Variants in CHD5 observed in about 807,000 individuals in gnomAD.
CHD5 encodes ATP-dependent chromatin remodeler CHD5.
In CHD5, 69 loss-of-function variants were observed where a neutral mutation model predicts 230.3. The observed-to-expected ratio is 0.30, with a 90% CI of 0.25 to 0.37. The LOEUF (loss-of-function observed/expected upper bound fraction) is 0.37. Among genes scored for constraint, CHD5 ranks in the 10% least tolerant of loss-of-function variants. The pLI, the probability that CHD5 is intolerant of heterozygous loss-of-function variation, is 1.00. For synonymous variants in CHD5, 1,064 were observed against 1,065.9 expected (o/e 1.00, Z 0.03); for missense variants, 1,827 against 2,622.8 (o/e 0.70, Z 6.63).
At chr1:6,150,534 T>TAGCTGACGGATGGATGGAC (rs1666989016) in intron 7 of CHD5, among the ~76,000 whole-genome samples, 4 of 150,750 alleles carry the variant, frequency 2.7e-5, no homozygotes, top group Non-Finnish European at 4.4e-5. Flanking sequence ...GGTGGATGGA[T>TAGCTGACGGATGGATGGAC]AGCTGACGGA....
chr1:6,165,876 G>A (rs1400887517), intron 2 of CHD5, among the ~76,000 whole-genome samples: 1 of 152,048 alleles, frequency 6.6e-6, no homozygotes, highest in Non-Finnish European at 1.5e-5. Context: ...TCAAATAACA[G>A]GGACAGGGAG....
chr1:6,112,397 G>C, intron 34 of CHD5, 120 bp from the exon 35 acceptor site: 1 of 1,258,516 alleles, frequency 7.9e-7, no homozygotes, highest in South Asian at 1.4e-5. Flanking sequence ...TGTCCTCAGG[G>C]GACTCGCTGC....
rs1399498229 is a variant in CHD5 at position 6,106,626 on chromosome 1, G to A, written c.5732C>T (p.Thr1911Ile). Residue 1911 changes from threonine to isoleucine, a missense_variant, in exon 39 of 42, where the codon ACC (threonine) becomes ATC (isoleucine). Thr to Ile is a moderately conservative substitution (Grantham distance 89). Transcript: ENST00000262450. ...SRLTNRAGDP[T>I]IQQGAFGSSQ... ...CAGGCCGAGCCTGACCTGCTGGATG[G>A]TGGGGTCCCCGGCGCGGTTGGTCAG... 3 of 1,577,308 alleles carry A rather than the reference G, an allele frequency of 1.9e-6. No individual in the cohort carries two copies. The African/African-American group carries it at 4.0e-5, about 21-fold the overall frequency.
In CHD5 at chr1:6,136,878, G is replaced by A. The variant is rs1666754174; in HGVS notation, c.2437-13C>T. On this transcript the variant is annotated splice_polypyrimidine_tract_variant and intron_variant, in intron 15 of 41. Transcript: ENST00000262450. ...TCTGCACTTCTTTCTGGAGAAAAGA[G>A]GGGCATTGGGGATGAGACGGCTGGG... 1 of 1,599,244 alleles carries A rather than the reference G, an allele frequency of 6.3e-7. No homozygotes were observed. The highest frequency in any genetic ancestry group is 8.5e-7 in the Non-Finnish European group (1 of 1,171,830).
intron 15 of CHD5, among the ~76,000 whole-genome samples, chr1:6,139,921 T>C (rs1368241422): frequency 6.6e-6 from 1 of 152,168 alleles, no homozygotes; most frequent in Non-Finnish European, 1.5e-5. Context: ...CATCGATTCA[T>C]TCACTCATTC....
At chr1:6,177,697 A>C (rs958401007) in intron 1 of CHD5, among the ~76,000 whole-genome samples, 1 of 152,194 alleles carries the variant, frequency 6.6e-6, no homozygotes, top group Non-Finnish European at 1.5e-5. Flanking sequence ...GTCCCTCCCC[A>C]TCATAACATT....
chr1:6,135,493 A>C, intron 17 of CHD5, 90 bp from the exon 18 acceptor site: 6 of 1,197,764 alleles, frequency 5.0e-6, no homozygotes, highest in Non-Finnish European at 7.0e-6. Context: ...TAGGCCGGCT[A>C]GCTGGTGAAC....
chr1:6,123,629 T>C (rs1378453137), intron 31 of CHD5, among the ~76,000 whole-genome samples: 1 of 152,276 alleles, frequency 6.6e-6, no homozygotes, highest in Non-Finnish European at 1.5e-5. Context: ...GGTTTCACCA[T>C]GTTGGCCAGG....
At chr1:6,176,460 A>C (rs1667428046) in intron 1 of CHD5, among the ~76,000 whole-genome samples, 1 of 152,202 alleles carries the variant, frequency 6.6e-6, no homozygotes, top group Non-Finnish European at 1.5e-5. Context: ...AGTGGCCCTA[A>C]GAGGGCTGAG....
At chr1:6,133,817 C>T (rs1487800835) in intron 20 of CHD5, among the ~76,000 whole-genome samples, 2 of 152,194 alleles carry the variant, frequency 1.3e-5, no homozygotes, top group African/African-American at 4.8e-5. Context: ...CAGGGCCCTA[C>T]CTTAATGAGA....
chr1:6,128,668 G>A lies in CHD5; in HGVS notation c.3620-59C>T. 6.9e-7 allele frequency: 1 copy of A among 1,456,674 alleles called. No individual in the cohort carries two copies. Among genetic ancestry groups the A allele is most frequent in the Non-Finnish European group, 9.6e-7 (1 of 1,043,432 alleles). The allele number at this position is 1,456,674 out of a possible 1,614,324, so 90.2% of individuals were successfully genotyped here. A position where few individuals can be genotyped will look rare whatever the true frequency, so the allele number is the denominator to read the frequency against. ...ACCACAGAGGGCTGCAGGGTTGGCG[G>A]GCAGTGCCCAGAGACACCACCCTGG... On this transcript the variant is annotated intron_variant, in intron 23 of 41. Coordinates refer to ENST00000262450, the MANE Select transcript of CHD5 (RefSeq NM_015557.3). This position sits in a 1 kb window ranked among gnomAD's most constrained non-coding sequence, Gnocchi z 7.8.
At chr1:6,123,134 T>TAG (rs1406972151) in intron 31 of CHD5, among the ~76,000 whole-genome samples, 2 of 151,046 alleles carry the variant, frequency 1.3e-5, no homozygotes, top group African/African-American at 4.9e-5. Context: ...AATGACAGAA[T>TAG]GACTGAAGCA....
intron 2 of CHD5, among the ~76,000 whole-genome samples, chr1:6,160,502 G>A (rs1307714370): frequency 1.4e-5 from 2 of 147,232 alleles, no homozygotes; most frequent in African/African-American, 5.2e-5. Context: ...CCCAGCCAGA[G>A]AAGGAGAGCC....
At chr1:6,168,970 G>A (rs1667295035) in intron 1 of CHD5, among the ~76,000 whole-genome samples, 1 of 150,698 alleles carries the variant, frequency 6.6e-6, no homozygotes, top group African/African-American at 2.4e-5. Context: ...AGTGAGCTGG[G>A]ATCGCACAAC....
rs1571177933 is a variant in CHD5, at chr1:6,176,779, C to T, written c.79+3166G>A. Among the ~76,000 whole-genome samples the T allele has an allele frequency of 2.0e-5, 3 of 152,330 alleles. 1 individual carries two copies. Among genetic ancestry groups the T allele is most frequent in the African/African-American group, 2.4e-5 (1 of 41,568 alleles). ...TATGTCCCCATACTACAAGTGGGCACACCGAGGAGAGGGCTGCCTGGCTTG... is the reference window on the plus strand; with the variant it reads ...TATGTCCCCATACTACAAGTGGGCATACCGAGGAGAGGGCTGCCTGGCTTG... On this transcript the variant is annotated intron_variant, in intron 1 of 41. Coordinates refer to ENST00000262450, the MANE Select transcript of CHD5 (RefSeq NM_015557.3).
chr1:6,140,169 G>A (rs575608379), intron 15 of CHD5, among the ~76,000 whole-genome samples: 110 of 152,216 alleles, frequency 7.2e-4, no homozygotes, highest in African/African-American at 2.4e-3. Flanking sequence ...TTAAGAGGCC[G>A]AGGTGGGCGG....
chr1:6,178,287 C>T (rs1667456327), intron 1 of CHD5, among the ~76,000 whole-genome samples: 1 of 149,282 alleles, frequency 6.7e-6, no homozygotes, highest in African/African-American at 2.6e-5. Context: ...GGCACCTTCC[C>T]TGGCCTCTTC....
rs770093616 is a variant in CHD5 at position 6,167,942 on chromosome 1, G to A, written c.207+208C>T. On this transcript the variant is annotated intron_variant, in intron 2 of 41. Transcript: ENST00000262450. This position sits in a 1 kb window ranked among gnomAD's most constrained non-coding sequence, Gnocchi z 4.5. ...AAATGACGCTCCGACATCCTGCTCCGGAAACAGGACAGCTCAGCAACGTCT... is the reference window on the plus strand; with the variant it reads ...AAATGACGCTCCGACATCCTGCTCCAGAAACAGGACAGCTCAGCAACGTCT... Among the ~76,000 whole-genome samples the A allele has an allele frequency of 6.6e-5, 10 of 152,160 alleles. No individual in the cohort carries two copies. Among genetic ancestry groups the A allele is most frequent in the African/African-American group, 2.4e-4 (10 of 41,418 alleles).
intron 15 of CHD5, among the ~76,000 whole-genome samples, chr1:6,140,967 AAATAATAATAAT>A (rs60543576): frequency 1.6e-4 from 22 of 139,932 alleles, no homozygotes; most frequent in Middle Eastern, 3.6e-3. Flanking sequence ...CCCTGTCTCA[AAATAATAATAAT>A]AATAATAATA....
Sources: allele counts gnomAD v4.1 joint callset (sites outside exome capture counted in the v4.1 genomes callset), GRCh38; gene constraint gnomAD v4.1.1; non-coding constraint Gnocchi (gnomAD v3.1); transcripts MANE v1.5; gene names NCBI Gene and HGNC (gene_info 2026-07-23, HGNC 2026-07-21).